AK5: variants seen among roughly 807,000 people sequenced by gnomAD.
AK5 encodes the protein adenylate kinase 5, also known as adenylate kinase isoenzyme 5.
Under a neutral mutation model 69.5 loss-of-function variants are expected in AK5, and 27 were observed. The observed-to-expected ratio is 0.39, with a 90% CI of 0.29 to 0.54. The LOEUF (loss-of-function observed/expected upper bound fraction) is 0.54. AK5 is among the 20% of genes least tolerant of loss of function. The probability of loss-of-function intolerance (pLI) is 0.71; values close to 1 mark genes in which losing one functional copy is unlikely to be tolerated. For synonymous variants in AK5, 260 were observed against 244.4 expected (o/e 1.06, Z -0.60); for missense variants, 531 against 700.4 (o/e 0.76, Z 2.73).
chr1:77,368,242 TA>T (rs370790652), intron 6 of AK5, among the ~76,000 whole-genome samples: 225 of 12,648 alleles, frequency 0.018, 2 homozygotes, highest in African/African-American at 0.034. Context: ...TATATATATA[TA>T]TATATATATA....
chr1:77,501,745 G>A (rs1043880263), intron 10 of AK5, among the ~76,000 whole-genome samples: 1 of 152,262 alleles, frequency 6.6e-6, no homozygotes, highest in East Asian at 1.9e-4. Flanking sequence ...TATAGAAAAA[G>A]GTTTACATTT....
intron 6 of AK5, among the ~76,000 whole-genome samples, chr1:77,390,055 G>A (rs780535580): frequency 2.0e-5 from 3 of 152,190 alleles, no homozygotes; most frequent in Non-Finnish European, 2.9e-5. Context: ...GGAGTGAGAA[G>A]AGGGTCTCAG....
intron 13 of AK5, among the ~76,000 whole-genome samples, chr1:77,545,777 C>T (rs538755370): frequency 1.3e-5 from 2 of 152,264 alleles, no homozygotes; most frequent in Admixed American, 1.3e-4. Context: ...AAGTCTGAAG[C>T]GTCCCTGCAT....
intron 7 of AK5, among the ~76,000 whole-genome samples, chr1:77,412,229 G>T (rs1316674037): frequency 6.6e-6 from 1 of 152,142 alleles, no homozygotes; most frequent in Non-Finnish European, 1.5e-5. Context: ...AGGGAGCCTT[G>T]TGCCCTGCAG....
intron 3 of AK5, among the ~76,000 whole-genome samples, chr1:77,295,555 A>G (rs546627165): frequency 6.6e-6 from 1 of 152,316 alleles, no homozygotes; most frequent in African/African-American, 2.4e-5. Context: ...AAAACTTTCA[A>G]GTCCTTACAT....
chr1:77,434,797 T>C (rs555164775), intron 8 of AK5, among the ~76,000 whole-genome samples: 2 of 152,174 alleles, frequency 1.3e-5, no homozygotes, highest in Non-Finnish European at 2.9e-5. Flanking sequence ...TCTAACCTGA[T>C]GAAAAACTAC....
intron 10 of AK5, among the ~76,000 whole-genome samples, chr1:77,491,368 G>A (rs907796111): frequency 7.5e-6 from 1 of 133,752 alleles, no homozygotes; most frequent in Non-Finnish European, 1.5e-5. Flanking sequence ...GTGCAGTGGT[G>A]CTATCTCGGC....
At chr1:77,299,387 G>C (rs979598976) in intron 5 of AK5, among the ~76,000 whole-genome samples, 2 of 152,000 alleles carry the variant, frequency 1.3e-5, no homozygotes, top group African/African-American at 4.8e-5. Context: ...ACAGTATTAA[G>C]TAAAATATGA....
At chr1:77,368,242 T>TA (rs1363697582) in intron 6 of AK5, among the ~76,000 whole-genome samples, 3,784 of 12,688 alleles carry the variant, frequency 0.3, 373 homozygotes, top group South Asian at 0.55. Flanking sequence ...TATATATATA[T>TA]ATATATATAT....
At chr1:77,466,199 G>A (rs961023029) in intron 8 of AK5, among the ~76,000 whole-genome samples, 23 of 151,984 alleles carry the variant, frequency 1.5e-4, no homozygotes, top group African/African-American at 4.3e-4. Flanking sequence ...CTTTGCATCC[G>A]CTGGTGCTCT....
At chr1:77,498,000 T>C (rs1656455768) in intron 10 of AK5, among the ~76,000 whole-genome samples, 1 of 152,130 alleles carries the variant, frequency 6.6e-6, no homozygotes, top group South Asian at 2.1e-4. Context: ...GACACAGATG[T>C]GAAGCCATGT....
At chr1:77,311,537 G>A (rs1659962497) in intron 5 of AK5, among the ~76,000 whole-genome samples, 1 of 152,104 alleles carries the variant, frequency 6.6e-6, no homozygotes, top group Non-Finnish European at 1.5e-5. Context: ...AATATCTATA[G>A]TTCTAGTACA....
chr1:77,546,636 T>C (rs1490576339), intron 13 of AK5, among the ~76,000 whole-genome samples: 4 of 152,040 alleles, frequency 2.6e-5, no homozygotes, highest in South Asian at 4.1e-4. Flanking sequence ...TTTGAACCCA[T>C]GAGGCAGAGG....
rs935476152 is a variant in AK5, at chr1:77,529,334, GTTTT to G, written c.1429-6499_1429-6496del. 6.5e-5 allele frequency among the ~76,000 whole-genome samples: 9 copies of G among 138,026 alleles called. No homozygotes were observed. In the East Asian group the frequency reaches 1.2e-3, roughly 19 times the overall value. 90.6% of individuals were successfully genotyped at this position (138,026 alleles called of 152,430 possible). ...AGGTGTTAGGACCCCCGTTTTATAGGTTTTTTTTTTTTTTTTTGAGACGGAGTCT... is the reference window on the plus strand; with the variant it reads ...AGGTGTTAGGACCCCCGTTTTATAGGTTTTTTTTTTTTTGAGACGGAGTCT... On this transcript the variant is annotated intron_variant, in intron 12 of 13. Coordinates refer to ENST00000354567, the MANE Select transcript of AK5 (RefSeq NM_174858.3).
intron 6 of AK5, among the ~76,000 whole-genome samples, chr1:77,377,977 G>A (rs1357200394): frequency 6.7e-6 from 1 of 149,624 alleles, no homozygotes; most frequent in Admixed American, 6.8e-5. Context: ...TTCCTTGATA[G>A]CACTTATCAT....
At chr1:77,451,104 A>C (rs984328110) in intron 8 of AK5, among the ~76,000 whole-genome samples, 2 of 152,086 alleles carry the variant, frequency 1.3e-5, no homozygotes, top group Non-Finnish European at 2.9e-5. Context: ...TGAGCCTGGG[A>C]GGTTGAGGCT....
chr1:77,335,286 G>GA (rs927965361), intron 5 of AK5, among the ~76,000 whole-genome samples: 1 of 150,992 alleles, frequency 6.6e-6, no homozygotes, highest in African/African-American at 2.4e-5. Flanking sequence ...AATGAAAGAA[G>GA]AAAAAAAGAC....
chr1:77,517,508 A>C (rs1217047189), intron 10 of AK5, among the ~76,000 whole-genome samples: 1 of 152,214 alleles, frequency 6.6e-6, no homozygotes, highest in Non-Finnish European at 1.5e-5. Context: ...AATGGGAATA[A>C]TAACAGTGCA....
chr1:77,394,035 T>A (rs1648660084), intron 6 of AK5, among the ~76,000 whole-genome samples: 1 of 151,886 alleles, frequency 6.6e-6, no homozygotes, highest in Non-Finnish European at 1.5e-5. Flanking sequence ...GCCAACATGG[T>A]GAAACCCTGT....
Sources: gnomAD v4.1 joint callset for allele counts (sites outside exome capture counted in the v4.1 genomes callset) on GRCh38, gnomAD v4.1.1 for gene constraint, MANE v1.5 for transcripts, NCBI Gene and HGNC (gene_info 2026-07-23, HGNC 2026-07-21) for gene names.